The following ATAD3B variants were observed in gnomAD, a reference collection of about 807,000 sequenced individuals.
ATAD3B encodes the protein ATPase family AAA domain-containing protein 3B.
Under a neutral mutation model 70.2 loss-of-function variants are expected in ATAD3B, and 59 were observed. The observed-to-expected ratio is 0.84, with a 90% CI of 0.68 to 1.04. The LOEUF is 1.04. ATAD3B is among the 50% of genes least tolerant of loss of function. The pLI, the probability that ATAD3B is intolerant of heterozygous loss-of-function variation, is 0.00. For missense variants in ATAD3B, 961 were observed against 913.4 expected (o/e 1.05, Z -0.67); for synonymous variants, 423 against 388.6 (o/e 1.09, Z -1.04).
At chr1:1,504,051 G>A in the ATAD3B span, among the ~76,000 whole-genome samples, 12 of 151,856 alleles carry the variant, frequency 7.9e-5, no homozygotes, top group Admixed American at 7.2e-4. Flanking sequence ...GTCGTGGTGC[G>A]TTCTCGGCTC....
At position 1,491,341 on chromosome 1, in the gene ATAD3B, G is replaced by T. The variant is rs938115496; in HGVS notation, c.1614+670G>T. Among the ~76,000 whole-genome samples the T allele has an allele frequency of 1.3e-4, 20 of 151,854 alleles. 2 individuals carry two copies. Among genetic ancestry groups the T allele is most frequent in the African/African-American group, 4.6e-4 (19 of 41,386 alleles). On this transcript the variant is annotated intron_variant, in intron 15 of 15. Coordinates refer to ENST00000673477, the MANE Select transcript of ATAD3B (RefSeq NM_031921.6). The stretch of plus-strand genomic sequence containing the variant: ...ACGGGGTCAGATTGAGACCATCCTG[G>T]CCAATATGTCGAAACCCCGTCTCTA...
chr1:1,501,907 TCTCA>T (rs1640953500), downstream of ATAD3B, among the ~76,000 whole-genome samples: 1 of 151,854 alleles, frequency 6.6e-6, no homozygotes, highest in Non-Finnish European at 1.5e-5. Flanking sequence ...TGAGATGGAG[TCTCA>T]CTCGTCGCCG....
At chr1:1,491,848 T>A (rs1000521197) in intron 15 of ATAD3B, among the ~76,000 whole-genome samples, 1 of 151,872 alleles carries the variant, frequency 6.6e-6, no homozygotes, top group Non-Finnish European at 1.5e-5. Context: ...AGGTCTCTGT[T>A]CCAGGCCGTC....
the ATAD3B span, among the ~76,000 whole-genome samples, chr1:1,509,037 G>T: frequency 1.3e-5 from 2 of 151,810 alleles, no homozygotes; most frequent in African/African-American, 2.4e-5. Flanking sequence ...GGCTGCCCCC[G>T]GTGTCCACAC....
intron 1 of ATAD3B, 79 bp from the exon 2 acceptor site, chr1:1,477,195 A>G: frequency 2.6e-6 from 4 of 1,554,228 alleles, no homozygotes; most frequent in Non-Finnish European, 3.5e-6. Flanking sequence ...TTTTTAGTAG[A>G]GGTTGGGTTT....
chr1:1,478,568 T>G (rs369198244), intron 2 of ATAD3B, 76 bp from the exon 3 acceptor site: 1 of 1,542,066 alleles, frequency 6.5e-7, no homozygotes, highest in Non-Finnish European at 8.8e-7. Context: ...GTGCCGGAGC[T>G]GTGCAGACAC....
chr1:1,476,005 C>T (rs1471966270), intron 1 of ATAD3B, among the ~76,000 whole-genome samples: 2 of 148,894 alleles, frequency 1.3e-5, no homozygotes, highest in Non-Finnish European at 3.0e-5. Flanking sequence ...GGGACTGACA[C>T]ACCCTCAGTC....
rs2100603823 is a variant in ATAD3B, at chr1:1,495,028, A to G, written c.1615-457A>G. ...GCCCTGTGCCCAGGAGGACAGGGAA[A>G]TGGAGGCAGAGGTGGCCTTGATGTC... is the stretch of plus-strand genomic sequence containing the variant. On this transcript the variant is annotated intron_variant, in intron 15 of 15. Transcript: ENST00000673477. 1.3e-5 allele frequency among the ~76,000 whole-genome samples: 2 copies of G among 152,152 alleles called. 1 individual carries two copies. Among genetic ancestry groups the G allele is most frequent in the East Asian group, 3.9e-4 (2 of 5,172 alleles).
chr1:1,503,524 T>A, the ATAD3B span: 1 of 1,539,616 alleles, frequency 6.5e-7, no homozygotes, highest in Non-Finnish European at 8.8e-7. Context: ...GCTGGTGTGG[T>A]GCCTGCCCAG....
chr1:1,490,588 T>A lies in ATAD3B; in HGVS notation c.1531T>A (p.Tyr511Asn). 1 of 1,610,820 alleles carries A rather than the reference T, an allele frequency of 6.2e-7. No individual in the cohort carries two copies. The highest frequency in any genetic ancestry group is 8.5e-7 in the Non-Finnish European group (1 of 1,178,944). Residue 511 changes from tyrosine to asparagine, a missense_variant, in exon 15 of 16, where the codon TAC (tyrosine) becomes AAC (asparagine). Tyr to Asn is a moderately radical substitution (Grantham distance 143). This residue lies in a region of ATAD3B where 417 missense variants were observed against 335.0 expected (regional missense o/e 1.24). Coordinates refer to ENST00000673477, the MANE Select transcript of ATAD3B (RefSeq NM_031921.6). Reference sequence around the variant, plus strand: ...GCGCCTGAAGCTGGCCCAGTTTGACTACGGGAGGAAGTGCTCGGAGGTCGC... The same window carrying A: ...GCGCCTGAAGCTGGCCCAGTTTGACAACGGGAGGAAGTGCTCGGAGGTCGC... ...KRRLKLAQFDYGRKCSEVARL... is the reference protein window; with the variant it reads ...KRRLKLAQFDNGRKCSEVARL...
chr1:1,485,939 T>C, intron 9 of ATAD3B, 101 bp downstream of exon 9: 2 of 1,601,284 alleles, frequency 1.2e-6, no homozygotes, highest in Non-Finnish European at 1.7e-6. Flanking sequence ...CCCAGGAGCT[T>C]TTGGGTCCTG....
intron 1 of ATAD3B, among the ~76,000 whole-genome samples, chr1:1,475,110 G>A (rs1469488952): frequency 2.0e-5 from 3 of 147,716 alleles, no homozygotes. Flanking sequence ...CAGTCCTGGC[G>A]GCCCCGGAGC....
Position 1,482,553 on chromosome 1 carries a change from G to T in ATAD3B, c.689G>T (p.Gly230Val). Residue 230 changes from glycine to valine, a missense_variant, in exon 7 of 16, where the codon GGC (glycine) becomes GTC (valine). By Grantham distance (109) the Gly-to-Val change is moderately radical. Transcript: ENST00000673477. The stretch of plus-strand genomic sequence containing the variant: ...CACTGCTTTCCCCGCAGGACGGCTG[G>T]CACCTTGTTTGGGGAAGGATTCCGT... ...QTVLESIRTAGTLFGEGFRAF... is the reference protein window; with the variant it reads ...QTVLESIRTAVTLFGEGFRAF... 1 of 1,613,368 alleles carries T rather than the reference G, an allele frequency of 6.2e-7. No individual in the cohort carries two copies. Among genetic ancestry groups the T allele is most frequent in the Non-Finnish European group, 8.5e-7 (1 of 1,179,534 alleles).
At chr1:1,500,553 C>CA (rs199521949), downstream of ATAD3B, among the ~76,000 whole-genome samples, 302 of 104,872 alleles carry the variant, frequency 2.9e-3, 2 homozygotes, top group African/African-American at 4.3e-3. Flanking sequence ...GACTCCGTCT[C>CA]AAAAAAAAAA....
chr1:1,499,936 C>A (rs1335530305), downstream of ATAD3B, among the ~76,000 whole-genome samples: 1 of 145,106 alleles, frequency 6.9e-6, no homozygotes, highest in African/African-American at 2.6e-5. Flanking sequence ...GCTCTGTTGC[C>A]CAGGCTGGAG....
chr1:1,492,673 CT>C (rs1304631485), intron 15 of ATAD3B, among the ~76,000 whole-genome samples: 2 of 151,772 alleles, frequency 1.3e-5, no homozygotes, highest in African/African-American at 4.8e-5. Flanking sequence ...GGTGTGGTGA[CT>C]TATGCCTCTA....
rs367589270 is a variant in ATAD3B, at chr1:1,495,629, G to A, written c.1759G>A (p.Gly587Arg). The part of the protein sequence containing the change: ...PGRGVEHPLS[G>R]VQGETLTSWS... ...GCGCGGGGTCGAGCACCCCCTATCC[G>A]GAGTCCAAGGCGAGACCCTCACCTC... is the stretch of plus-strand genomic sequence containing the variant. Residue 587 changes from glycine (G) to arginine (R), a missense_variant, in exon 16 of 16, where the codon GGA (glycine) becomes AGA (arginine). Gly to Arg is a moderately radical substitution (Grantham distance 125). Transcript: ENST00000673477. 17 of 1,612,930 alleles carry A rather than the reference G, an allele frequency of 1.1e-5. No homozygotes were observed. Among genetic ancestry groups the A allele is most frequent in the East Asian group, 4.5e-5 (2 of 44,888 alleles).
At chr1:1,487,239 C>T (rs1329384315) in intron 11 of ATAD3B, among the ~76,000 whole-genome samples, 1 of 151,930 alleles carries the variant, frequency 6.6e-6, no homozygotes, top group African/African-American at 2.4e-5. Context: ...GGCTGTAATC[C>T]CAGACTTTCG....
intron 1 of ATAD3B, among the ~76,000 whole-genome samples, chr1:1,475,790 A>G (rs1220202215): frequency 6.6e-6 from 1 of 151,620 alleles, no homozygotes; most frequent in Non-Finnish European, 1.5e-5. Context: ...CATTCTAATA[A>G]CCGAGAGGCC....
Sources: gnomAD v4.1 joint callset for allele counts (sites outside exome capture counted in the v4.1 genomes callset) on GRCh38, gnomAD v4.1.1 for gene constraint, gnomAD v4.1.1 regional missense constraint, MANE v1.5 for transcripts, NCBI Gene and HGNC (gene_info 2026-07-23, HGNC 2026-07-21) for gene names.